LARP6: variants seen among roughly 807,000 people sequenced by gnomAD.
LARP6 encodes the protein La ribonucleoprotein 6, translational regulator.
LARP6 carries 18 observed loss-of-function variants against 32.8 expected under a neutral mutation model. That is an observed-to-expected ratio of 0.55 (90% CI 0.38 to 0.81). The LOEUF (loss-of-function observed/expected upper bound fraction) is 0.81, where lower values mean the gene tolerates loss of function less well. Among genes scored for constraint, LARP6 ranks in the 40% least tolerant of loss-of-function variants. LARP6 has a pLI of 0.00. For missense variants in LARP6, 598 were observed against 663.1 expected, an observed-to-expected ratio of 0.90 and a Z score of 1.08; for synonymous variants, 289 against 267.2, an observed-to-expected ratio of 1.08 and a Z score of -0.80.
chr15:70,854,074 G>T lies in LARP6; in HGVS notation c.15C>A (p.Gly5=), dbSNP rs1412331138. The T allele has an allele frequency of 7.4e-7, 1 of 1,351,642 alleles. No individual in the cohort carries two copies. Among genetic ancestry groups the T allele is most frequent in the South Asian group, 1.9e-5 (1 of 53,068 alleles). 83.7% of individuals were successfully genotyped at this position (1,351,642 alleles called of 1,614,324 possible). The change falls in exon 1 of 3, where the codon GGC becomes GGA. Residue 5 remains glycine (G), a synonymous_variant. Transcript: ENST00000299213. ...TCTTGGGCCCGGGCCGAGCCTCCCC[G>T]CCGGACTGGGCCATGGCTCGCGGGA... MAQS[G]GEARPGPKTA... is the part of the protein sequence containing the mutation.
chr15:70,846,281 A>G (rs2141056696), intron 1 of LARP6, among the ~76,000 whole-genome samples: 1 of 152,316 alleles, frequency 6.6e-6, no homozygotes, highest in Non-Finnish European at 1.5e-5. Flanking sequence ...TAATAATAAA[A>G]GCTTTTCTAT....
intron 2 of LARP6, 40 bp from the exon 3 acceptor site, chr15:70,833,156 C>A: frequency 6.6e-7 from 1 of 1,524,494 alleles, no homozygotes; most frequent in South Asian, 1.1e-5. Context: ...TATCTAATGT[C>A]CTTGTCCATC....
At chr15:70,835,240 T>C (rs2032125751) in intron 2 of LARP6, among the ~76,000 whole-genome samples, 2 of 152,218 alleles carry the variant, frequency 1.3e-5, no homozygotes, top group South Asian at 4.1e-4. Flanking sequence ...ACTTCTCAGT[T>C]CTCCAGGCAG....
At chr15:70,851,993 C>T (rs1002925287) in intron 1 of LARP6, 2 of 451,808 alleles carry the variant, frequency 4.4e-6, no homozygotes, top group Non-Finnish European at 8.2e-6. Context: ...CTGTTGACAG[C>T]GTGAACTGTT....
At chr15:70,838,980 G>T (rs1693740100) in intron 1 of LARP6, among the ~76,000 whole-genome samples, 1 of 149,878 alleles carries the variant, frequency 6.7e-6, no homozygotes, top group South Asian at 2.1e-4. Context: ...ATTCTGGCAA[G>T]AGAGAAAAAA....
chr15:70,838,267 T>G (rs916188412), intron 1 of LARP6, among the ~76,000 whole-genome samples: 5 of 152,176 alleles, frequency 3.3e-5, no homozygotes, highest in African/African-American at 1.2e-4. Flanking sequence ...TCAGTTCTAT[T>G]ACCTGTAAAT....
In LARP6 at chr15:70,854,127, G is replaced by T; in HGVS notation, c.-39C>A. ...GCGGCGCCGCCGGGGTCCTCACGCC[G>T]CAAGGCCCAGCCAGCCGGTCGGCAG... On this transcript the variant is annotated 5_prime_UTR_variant, in exon 1 of 3. Coordinates refer to ENST00000299213, the MANE Select transcript of LARP6 (RefSeq NM_018357.4). The T allele has an allele frequency of 2.5e-6, 3 of 1,215,056 alleles. No homozygotes were observed. Among genetic ancestry groups the T allele is most frequent in the Non-Finnish European group, 3.1e-6 (3 of 973,576 alleles). The allele number at this position is 1,215,056 out of a possible 1,614,324, so 75.3% of individuals were successfully genotyped here.
At chr15:70,834,490 G>A (rs962694471) in intron 2 of LARP6, among the ~76,000 whole-genome samples, 9 of 152,214 alleles carry the variant, frequency 5.9e-5, no homozygotes, top group Admixed American at 3.3e-4. Flanking sequence ...AGCCTTCTCC[G>A]AAAACAGCTA....
rs2032018742 is a variant in LARP6 at position 70,830,410 on chromosome 15, C to A, written c.*1642G>T. The stretch of plus-strand genomic sequence containing the variant: ...GAAATGTGTCTAACCCAATGCCTAG[C>A]ACGTAGGAAGGTGCTGAATAAATAT... On this transcript the variant is annotated 3_prime_UTR_variant, in exon 3 of 3. Transcript: ENST00000299213. 1 of 152,158 alleles carries A rather than the reference C, an allele frequency of 6.6e-6. No homozygotes were observed. The highest frequency in any genetic ancestry group is 1.5e-5 in the Non-Finnish European group (1 of 68,032). 9.4% of individuals were successfully genotyped at this position (152,158 alleles called of 1,614,324 possible).
Position 70,832,539 on chromosome 15 carries a change from A to T in LARP6, c.989T>A (p.Met330Lys). 6.4e-7 allele frequency: 1 copy of T among 1,560,114 alleles called. No individual in the cohort carries two copies. The change falls in exon 3 of 3, where the codon ATG becomes AAG. Residue 330 changes from methionine (M) to lysine (K), a missense_variant. Around this residue, in one of 3 missense-constraint regions of LARP6, gnomAD observed 368 missense variants for 397.9 expected, o/e 0.92. Transcript: ENST00000299213. ...LNKRVEELQYMGDESSANSSS... is the reference protein window; with the variant it reads ...LNKRVEELQYKGDESSANSSS... Reference sequence around the variant, plus strand: ...GCTGTTGGCAGAAGACTCATCACCCATGTACTGAAGCTCCTCGACTCTCTT... The same window carrying T: ...GCTGTTGGCAGAAGACTCATCACCCTTGTACTGAAGCTCCTCGACTCTCTT...
At chr15:70,853,839 G>A in intron 1 of LARP6, 50 bp downstream of exon 1, 1 of 1,195,380 alleles carries the variant, frequency 8.4e-7, no homozygotes, top group Non-Finnish European at 1.0e-6. Context: ...ACTCGCGCGC[G>A]GCCCGGCGCC....
At chr15:70,845,424 G>C (rs2032328113) in intron 1 of LARP6, among the ~76,000 whole-genome samples, 1 of 152,206 alleles carries the variant, frequency 6.6e-6, no homozygotes, top group African/African-American at 2.4e-5. Context: ...TCTCTGTCAT[G>C]ATTAGACTGG....
rs964990610 is a variant in LARP6, at chr15:70,829,345, T to G, written c.*2707A>C. On this transcript the variant is annotated 3_prime_UTR_variant, in exon 3 of 3. Transcript: ENST00000299213. ...TAGTAGAGACAGGGTTTTACCACAT[T>G]AGCCAGGATAGTCTCAATCTCCTGA... 5 of 151,654 alleles carry G rather than the reference T, an allele frequency of 3.3e-5. No individual in the cohort carries two copies. Among genetic ancestry groups the G allele is most frequent in the African/African-American group, 1.2e-4 (5 of 41,228 alleles). The allele number at this position is 151,654 out of a possible 1,614,324, so 9.4% of individuals were successfully genotyped here.
chr15:70,852,125 T>C (rs2032479912), intron 1 of LARP6: 4 of 350,552 alleles, frequency 1.1e-5, no homozygotes, highest in South Asian at 8.6e-5. Flanking sequence ...TGATGGCTGC[T>C]GCCATGCGAG....
At chr15:70,837,630 G>C (rs1413121017) in intron 1 of LARP6, among the ~76,000 whole-genome samples, 1 of 152,174 alleles carries the variant, frequency 6.6e-6, no homozygotes, top group Non-Finnish European at 1.5e-5. Context: ...GAGTGCAGTG[G>C]TGCGATCTCC....
At position 70,832,094 on chromosome 15, in the gene LARP6, G is replaced by C. The variant is rs1395691121; in HGVS notation, c.1434C>G (p.Thr478=). 1.9e-6 allele frequency: 3 copies of C among 1,555,804 alleles called. No homozygotes were observed. Among genetic ancestry groups the C allele is most frequent in the African/African-American group, 1.4e-5 (1 of 72,934 alleles). The part of the protein sequence containing the change: ...VLRLPRGPDN[T]RGFHGHERSR... Reference sequence around the variant, plus strand: ...TCCTCTCATGGCCATGAAATCCTCTGGTGTTGTCAGGACCCCTGGGCAACC... The same window carrying C: ...TCCTCTCATGGCCATGAAATCCTCTCGTGTTGTCAGGACCCCTGGGCAACC... The change falls in exon 3 of 3, where the codon ACC becomes ACG. Residue 478 remains threonine (T), a synonymous_variant. Transcript: ENST00000299213.
chr15:70,839,728 G>A (rs2032217083), intron 1 of LARP6, among the ~76,000 whole-genome samples: 1 of 151,966 alleles, frequency 6.6e-6, no homozygotes, highest in African/African-American at 2.4e-5. Flanking sequence ...GACTACAGGC[G>A]CCCACCACCA....
chr15:70,846,005 T>C (rs934434228), intron 1 of LARP6, among the ~76,000 whole-genome samples: 1 of 152,258 alleles, frequency 6.6e-6, no homozygotes, highest in Non-Finnish European at 1.5e-5. Context: ...TACCTGCTAC[T>C]TTCCACTGGC....
chr15:70,852,303 T>C (rs1289699871), intron 1 of LARP6: 2 of 455,774 alleles, frequency 4.4e-6, no homozygotes, highest in Non-Finnish European at 8.8e-6. Flanking sequence ...GAACACTTGC[T>C]GAGACTCAAG....
Sources: allele counts gnomAD v4.1 joint callset (sites outside exome capture counted in the v4.1 genomes callset), GRCh38; gene constraint gnomAD v4.1.1; regional missense constraint gnomAD v4.1.1; transcripts MANE v1.5; gene names NCBI Gene and HGNC (gene_info 2026-07-23, HGNC 2026-07-21).